Variants in C2orf80 observed in about 807,000 individuals in gnomAD.
C2orf80 encodes the protein chromosome 2 open reading frame 80.
Under a neutral mutation model 30.2 loss-of-function variants are expected in C2orf80, and 28 were observed. The observed-to-expected ratio is 0.93, with a 90% CI of 0.69 to 1.27. The LOEUF is 1.27. C2orf80 is among the 50% of genes most tolerant of loss of function. The pLI, the probability that C2orf80 is intolerant of heterozygous loss-of-function variation, is 0.00. For missense variants in C2orf80, 220 were observed against 231.0 expected (o/e 0.95, Z 0.31); for synonymous variants, 80 against 76.4 (o/e 1.05, Z -0.24).
At chr2:208,185,890 A>C (rs552455576) in intron 2 of C2orf80, among the ~76,000 whole-genome samples, 74 of 152,270 alleles carry the variant, frequency 4.9e-4, no homozygotes, top group African/African-American at 1.7e-3. Context: ...AATTCCAATT[A>C]TTTGGATGAG....
At chr2:208,183,526 A>C (rs1160452230) in intron 3 of C2orf80, among the ~76,000 whole-genome samples, 2 of 152,124 alleles carry the variant, frequency 1.3e-5, no homozygotes, top group African/African-American at 4.8e-5. Flanking sequence ...CTGTGAGTAG[A>C]ATGTCAGAAA....
rs771794107 is a variant in C2orf80 at position 208,180,739 on chromosome 2, C to T, written c.366+6G>A. The T allele has an allele frequency of 1.1e-5, 18 of 1,611,830 alleles. No homozygotes were observed. Among genetic ancestry groups the T allele is most frequent in the Admixed American group, 1.7e-5 (1 of 59,916 alleles). ...CCTTCTATTGACAATCCCAGGTCACCCTTACCTTGATGGTACCAGAATCGG... is the reference window on the plus strand; with the variant it reads ...CCTTCTATTGACAATCCCAGGTCACTCTTACCTTGATGGTACCAGAATCGG... On this transcript the variant is annotated splice_donor_region_variant and intron_variant, in intron 6 of 8. Transcript: ENST00000341287.
intron 2 of C2orf80, among the ~76,000 whole-genome samples, chr2:208,186,352 A>C (rs891169022): frequency 6.6e-6 from 1 of 152,238 alleles, no homozygotes; most frequent in Admixed American, 6.5e-5. Flanking sequence ...ATGACATAGA[A>C]CATAATCTTT....
intron 6 of C2orf80, among the ~76,000 whole-genome samples, chr2:208,177,119 G>A (rs988544713): frequency 4.9e-5 from 5 of 102,658 alleles, no homozygotes; most frequent in South Asian, 6.7e-4. Context: ...TCAATGGCTC[G>A]ATTTTATATA....
chr2:208,170,879 G>A (rs1343782249), intron 8 of C2orf80, 66 bp downstream of exon 8: 10 of 1,277,268 alleles, frequency 7.8e-6, no homozygotes, highest in South Asian at 7.2e-5. Flanking sequence ...TTTTAACCAC[G>A]GTATCAGGAA....
chr2:208,177,804 A>ATTTC (rs1696412490), intron 6 of C2orf80, among the ~76,000 whole-genome samples: 1 of 147,652 alleles, frequency 6.8e-6, no homozygotes, highest in Middle Eastern at 3.2e-3. Flanking sequence ...TAGCACCTTT[A>ATTTC]TTTATTTATT....
intron 3 of C2orf80, among the ~76,000 whole-genome samples, chr2:208,184,128 G>A (rs141199266): frequency 2.0e-3 from 301 of 152,326 alleles, no homozygotes; most frequent in African/African-American, 7.0e-3. Context: ...TTGATGCCTT[G>A]GCATCACTTG....
At chr2:208,176,905 CTG>C (rs796676611) in intron 6 of C2orf80, among the ~76,000 whole-genome samples, 263 of 8,814 alleles carry the variant, frequency 0.03, 30 homozygotes, top group African/African-American at 0.085. Context: ...ATATACATAT[CTG>C]TGTATACATA....
intron 2 of C2orf80, 46 bp from the exon 3 acceptor site, chr2:208,185,078 T>C (rs762661903): frequency 3.6e-5 from 53 of 1,473,586 alleles, no homozygotes; most frequent in Non-Finnish European, 4.7e-5. Context: ...TGACACGGGC[T>C]CAGTCTGCAG....
At chr2:208,177,831 T>TA (rs199662888) in intron 6 of C2orf80, among the ~76,000 whole-genome samples, 23 of 148,728 alleles carry the variant, frequency 1.5e-4, no homozygotes, top group Admixed American at 2.7e-4. Flanking sequence ...TTTATTTATT[T>TA]TTTATTTTTT....
rs1216502164 is a variant in C2orf80 at position 208,181,202 on chromosome 2, G to A, written c.294+16C>T. 2.7e-6 allele frequency: 4 copies of A among 1,500,310 alleles called. No homozygotes were observed. In the Admixed American group the frequency reaches 5.0e-5, roughly 19 times the overall value. The allele number at this position is 1,500,310 out of a possible 1,614,324, so 92.9% of individuals were successfully genotyped here. A position where few individuals can be genotyped will look rare whatever the true frequency, so the allele number is the denominator to read the frequency against. ...TATGAAATATTCATATAGGCAGATA[G>A]TATTCTTTTCCTTACCATTAAGATT... On this transcript the variant is annotated intron_variant, in intron 5 of 8. Transcript: ENST00000341287.
chr2:208,169,074 C>T (rs1022134152), intron 8 of C2orf80, among the ~76,000 whole-genome samples: 1 of 151,832 alleles, frequency 6.6e-6, no homozygotes, highest in Non-Finnish European at 1.5e-5. Flanking sequence ...CATCAAGAAT[C>T]AAAAAATCTT....
chr2:208,172,177 G>A, intron 6 of C2orf80, 102 bp from the exon 7 acceptor site: 1 of 905,220 alleles, frequency 1.1e-6, no homozygotes, highest in South Asian at 1.3e-5. Flanking sequence ...CAGAATCCTT[G>A]AGTCCAATTG....
chr2:208,170,877 A>G lies in C2orf80; in HGVS notation c.573+68T>C, dbSNP rs900646748. 6 of 1,271,046 alleles carry G rather than the reference A, an allele frequency of 4.7e-6. No individual in the cohort carries two copies. The African/African-American group carries it at 5.9e-5, about 12-fold the overall frequency. The allele number at this position is 1,271,046 out of a possible 1,614,324, so 78.7% of individuals were successfully genotyped here. On this transcript the variant is annotated intron_variant, in intron 8 of 8. Transcript: ENST00000341287. Reference sequence around the variant, plus strand: ...GACTCCAAAGGCTAGACTTTTAACCACGGTATCAGGAAAGTACTCCCAAAA... The same window carrying G: ...GACTCCAAAGGCTAGACTTTTAACCGCGGTATCAGGAAAGTACTCCCAAAA...
At position 208,181,237 on chromosome 2, in the gene C2orf80, G is replaced by T. The variant is rs138564028; in HGVS notation, c.275C>A (p.Ser92Tyr). 49 of 1,607,356 alleles carry T rather than the reference G, an allele frequency of 3.0e-5. 1 individual carries two copies. In the East Asian group the frequency reaches 1.1e-3, roughly 36 times the overall value. Residue 92 changes from serine (S) to tyrosine (Y), a missense_variant, in exon 5 of 9, where the codon TCT becomes TAT. Ser to Tyr is a moderately radical substitution (Grantham distance 144). Coordinates refer to ENST00000341287, the MANE Select transcript of C2orf80 (RefSeq NM_001099334.3). ...RREREAMILSSYAGILMNSIP... is the reference protein window; with the variant it reads ...RREREAMILSYYAGILMNSIP... Reference sequence around the variant, plus strand: ...CCTTACCATTAAGATTCCAGCATAAGATGATAAAATCATAGCTTCTCGTTC... The same window carrying T: ...CCTTACCATTAAGATTCCAGCATAATATGATAAAATCATAGCTTCTCGTTC...
Position 208,187,080 on chromosome 2 carries a change from G to C in C2orf80, c.-75-19C>G, listed in dbSNP as rs1427382816. The C allele has an allele frequency of 1.7e-5, 20 of 1,154,874 alleles. No individual in the cohort carries two copies. Among genetic ancestry groups the C allele is most frequent in the Non-Finnish European group, 2.6e-5 (20 of 770,156 alleles). 71.5% of individuals were successfully genotyped at this position (1,154,874 alleles called of 1,614,324 possible). The stretch of plus-strand genomic sequence containing the variant: ...CTAGAGGCTACAGCAGCAAATCAGA[G>C]AGAATATGAGTTAGGGATGCTATCA... On this transcript the variant is annotated intron_variant, in intron 1 of 8. Coordinates refer to ENST00000341287, the MANE Select transcript of C2orf80 (RefSeq NM_001099334.3).
intron 6 of C2orf80, among the ~76,000 whole-genome samples, chr2:208,172,619 T>C (rs1696138670): frequency 1.3e-5 from 2 of 152,124 alleles, no homozygotes; most frequent in African/African-American, 4.8e-5. Context: ...AATACCATAA[T>C]ACACTTAACA....
chr2:208,176,164 T>G (rs189330415), intron 6 of C2orf80, among the ~76,000 whole-genome samples: 1 of 152,188 alleles, frequency 6.6e-6, no homozygotes, highest in East Asian at 1.9e-4. Context: ...CTGGGGACAT[T>G]TGGCAAAGTC....
intron 8 of C2orf80, among the ~76,000 whole-genome samples, chr2:208,166,134 T>C (rs189814578): frequency 8.5e-5 from 13 of 152,294 alleles, no homozygotes; most frequent in Admixed American, 5.2e-4. Context: ...AAAGTACCAA[T>C]AATAGATATT....
Sources: gnomAD v4.1 joint callset for allele counts (sites outside exome capture counted in the v4.1 genomes callset) on GRCh38, gnomAD v4.1.1 for gene constraint, MANE v1.5 for transcripts, NCBI Gene and HGNC (gene_info 2026-07-23, HGNC 2026-07-21) for gene names.